DNMBP: variants seen among roughly 807,000 people sequenced by gnomAD.
The protein encoded by DNMBP is dynamin binding protein, also known as dynamin-binding protein.
Under a neutral mutation model 150.0 loss-of-function variants are expected in DNMBP, and 87 were observed. That is an observed-to-expected ratio of 0.58 (90% CI 0.49 to 0.69). The LOEUF is 0.69. Among genes scored for constraint, DNMBP ranks in the 30% least tolerant of loss-of-function variants. DNMBP has a pLI of 0.00. For synonymous variants in DNMBP, 711 were observed against 750.4 expected, an observed-to-expected ratio of 0.95 and a Z score of 0.86; for missense variants, 1,774 against 1,949.0, an observed-to-expected ratio of 0.91 and a Z score of 1.69.
intron 1 of DNMBP, among the ~76,000 whole-genome samples, chr10:99,989,713 A>C (rs2040866393): frequency 1.3e-5 from 2 of 152,164 alleles, no homozygotes; most frequent in Admixed American, 6.5e-5. Flanking sequence ...CTCTGTCTCA[A>C]AAAAAAGAAA....
chr10:99,988,002 G>C (rs1391734987), intron 1 of DNMBP, among the ~76,000 whole-genome samples: 1 of 152,020 alleles, frequency 6.6e-6, no homozygotes, highest in African/African-American at 2.4e-5. Flanking sequence ...CTGATCATTG[G>C]GATTCCTGCT....
At chr10:99,981,157 G>C (rs1413801284) in intron 1 of DNMBP, among the ~76,000 whole-genome samples, 1 of 152,122 alleles carries the variant, frequency 6.6e-6, no homozygotes, top group African/African-American at 2.4e-5. Context: ...ACGTGAATGT[G>C]AAAGAAGGCC....
chr10:99,972,121 C>T lies in DNMBP; in HGVS notation c.4G>A (p.Glu2Lys), dbSNP rs139409634. ...ATGGCTCGAACCACTGAGCCAGCCT[C>T]CATGTTTTATAACCTGGAAAGATAG... M[E>K]AGSVVRAIFD... Residue 2 changes from glutamate to lysine, a missense_variant, in exon 2 of 17, where the codon GAG becomes AAG. Physicochemically the swap from Glu to Lys is moderately conservative, Grantham distance 56. Coordinates refer to ENST00000324109, the MANE Select transcript of DNMBP (RefSeq NM_015221.4). The T allele has an allele frequency of 2.3e-4, 371 of 1,611,534 alleles. No homozygotes were observed. The highest frequency in any genetic ancestry group is 2.9e-4 in the Non-Finnish European group (344 of 1,179,310).
At chr10:99,930,518 C>T (rs1289805417) in intron 4 of DNMBP, 2 of 702,872 alleles carry the variant, frequency 2.8e-6, no homozygotes, top group African/African-American at 3.5e-5. Flanking sequence ...CATGTGCTTC[C>T]CCACAGTCCA....
At chr10:99,964,889 T>C (rs557835955) in intron 3 of DNMBP, among the ~76,000 whole-genome samples, 1 of 140,588 alleles carries the variant, frequency 7.1e-6, no homozygotes, top group African/African-American at 2.7e-5. Flanking sequence ...AAAAAAAATA[T>C]ATATATATAT....
intron 4 of DNMBP, among the ~76,000 whole-genome samples, chr10:99,924,185 C>G (rs531972868): frequency 1.6e-3 from 243 of 151,928 alleles, no homozygotes; most frequent in African/African-American, 5.5e-3. Flanking sequence ...CACCTGTAAT[C>G]CCAGTACTTT....
At chr10:99,924,545 T>C (rs1342684698) in intron 4 of DNMBP, among the ~76,000 whole-genome samples, 1 of 152,260 alleles carries the variant, frequency 6.6e-6, no homozygotes, top group African/African-American at 2.4e-5. Context: ...TTCTTTTGTA[T>C]TTTGTCTCTT....
chr10:99,882,449 T>A (rs2039383359), intron 15 of DNMBP, among the ~76,000 whole-genome samples: 1 of 152,144 alleles, frequency 6.6e-6, no homozygotes, highest in Non-Finnish European at 1.5e-5. Context: ...CTGGGCATGG[T>A]CACGCATGCC....
At chr10:99,995,399 C>A (rs2040940667) in intron 1 of DNMBP, among the ~76,000 whole-genome samples, 1 of 152,060 alleles carries the variant, frequency 6.6e-6, no homozygotes, top group Non-Finnish European at 1.5e-5. Context: ...TAAGGCTTCC[C>A]CATCCATCAC....
At chr10:99,899,427 C>T (rs1262187734) in intron 7 of DNMBP, among the ~76,000 whole-genome samples, 3 of 152,058 alleles carry the variant, frequency 2.0e-5, no homozygotes, top group Non-Finnish European at 4.4e-5. Context: ...CACGGTGAAA[C>T]CCCATCTCCA....
In DNMBP at chr10:99,894,955, C is replaced by T; in HGVS notation, c.3147G>A (p.Gln1049=). Residue 1049 remains glutamine (Q), a synonymous_variant, in exon 11 of 17, where the codon CAG becomes CAA. Transcript: ENST00000324109. ...TGATGTTGATGCTCACCCGGATGTGCTGGAGGTAGAGAGACAGGTCTCGGA... is the reference window on the plus strand; with the variant it reads ...TGATGTTGATGCTCACCCGGATGTGTTGGAGGTAGAGAGACAGGTCTCGGA... ...SFIRDLSLYL[Q]HIRESACVKV... is the part of the protein sequence containing the mutation. 4 of 1,613,122 alleles carry T rather than the reference C, an allele frequency of 2.5e-6. No individual in the cohort carries two copies. The highest frequency in any genetic ancestry group is 2.2e-5 in the East Asian group (1 of 44,870).
intron 11 of DNMBP, 167 bp from the exon 12 acceptor site, chr10:99,889,120 G>A: frequency 1.4e-6 from 1 of 700,524 alleles, no homozygotes; most frequent in African/African-American, 1.8e-5. Context: ...CATAAACTAT[G>A]ACTTACGGGG....
intron 3 of DNMBP, among the ~76,000 whole-genome samples, chr10:99,968,625 T>C (rs1342672321): frequency 6.6e-6 from 1 of 150,468 alleles, no homozygotes; most frequent in East Asian, 1.9e-4. Flanking sequence ...GAGGCAGAGG[T>C]TGCAGTGAGC....
At chr10:99,967,819 C>T (rs1053815612) in intron 3 of DNMBP, among the ~76,000 whole-genome samples, 2 of 152,036 alleles carry the variant, frequency 1.3e-5, no homozygotes, top group African/African-American at 4.8e-5. Context: ...ACTGAGTCAT[C>T]ACAAAATTGG....
At chr10:100,008,593 G>A (rs1489954299) in intron 1 of DNMBP, among the ~76,000 whole-genome samples, 1 of 152,200 alleles carries the variant, frequency 6.6e-6, no homozygotes, top group African/African-American at 2.4e-5. Context: ...GCCCCATTAT[G>A]CAGAATTCTA....
intron 10 of DNMBP, among the ~76,000 whole-genome samples, chr10:99,895,570 T>C (rs2252676): frequency 0.74 from 112,518 of 152,164 alleles, 42,924 homozygotes; most frequent in African/African-American, 0.93. Flanking sequence ...AAACCTTCTT[T>C]GCAAGCCCTC....
At position 99,939,337 on chromosome 10, in the gene DNMBP, C is replaced by T. The variant is rs530967227; in HGVS notation, c.2260+15877G>A. Among the ~76,000 whole-genome samples the T allele has an allele frequency of 4.3e-4, 65 of 152,306 alleles. 2 individuals carry two copies. The highest frequency in any genetic ancestry group is 1.6e-3 in the African/African-American group (65 of 41,550). ...CTGTTACTTCATTATACTTGCTTAC[C>T]TCCTTTTATTATACTGAAAGTTCCT... On this transcript the variant is annotated intron_variant, in intron 4 of 16. Coordinates refer to ENST00000324109, the MANE Select transcript of DNMBP (RefSeq NM_015221.4).
At chr10:99,965,795 C>T (rs1417923346) in intron 3 of DNMBP, among the ~76,000 whole-genome samples, 1 of 152,146 alleles carries the variant, frequency 6.6e-6, no homozygotes, top group South Asian at 2.1e-4. Context: ...CCATGCCTGG[C>T]CCCACATACT....
intron 5 of DNMBP, among the ~76,000 whole-genome samples, 183 bp downstream of exon 5, chr10:99,908,770 G>C (rs1413204822): frequency 6.6e-6 from 1 of 152,184 alleles, no homozygotes; most frequent in Non-Finnish European, 1.5e-5. Flanking sequence ...ACAAGTGAAA[G>C]GATGCTGAAG....
Sources: gnomAD v4.1 joint callset for allele counts (sites outside exome capture counted in the v4.1 genomes callset) on GRCh38, gnomAD v4.1.1 for gene constraint, MANE v1.5 for transcripts, NCBI Gene and HGNC (gene_info 2026-07-23, HGNC 2026-07-21) for gene names.